TNS3: variants seen among roughly 807,000 people sequenced by gnomAD.
The protein encoded by TNS3 is tensin 3, also known as tensin-3.
Under a neutral mutation model 140.9 loss-of-function variants are expected in TNS3, and 45 were observed. The ratio of observed to expected loss-of-function variants is 0.32; its 90% CI spans 0.25 to 0.41. The LOEUF (loss-of-function observed/expected upper bound fraction) is 0.41. Among genes scored for constraint, TNS3 ranks in the 10% least tolerant of loss-of-function variants. The pLI, the probability that TNS3 is intolerant of heterozygous loss-of-function variation, is 1.00. For missense variants in TNS3, 1,716 were observed against 1,906.7 expected (o/e 0.90, Z 1.86); for synonymous variants, 815 against 788.4 (o/e 1.03, Z -0.56).
At position 47,311,399 on chromosome 7, in the gene TNS3, A is replaced by AGTGTGTGT. The variant is rs10617598; in HGVS notation, c.2651-6404_2651-6397dup. ...TGCACATGTACCCTAGAACTTAAAG[A>AGTGTGTGT]GTGTGTGTGTGTGTGTGTGTGTGTG... On this transcript the variant is annotated intron_variant, in intron 20 of 30. Coordinates refer to ENST00000311160, the MANE Select transcript of TNS3 (RefSeq NM_022748.12). Among the ~76,000 whole-genome samples, 432 of 147,432 alleles carry AGTGTGTGT rather than the reference A, an allele frequency of 2.9e-3. 1 individual carries two copies. Among genetic ancestry groups the AGTGTGTGT allele is most frequent in the East Asian group, 0.012 (58 of 4,974 alleles).
intron 3 of TNS3, among the ~76,000 whole-genome samples, chr7:47,505,423 C>T (rs543105022): frequency 6.6e-6 from 1 of 152,324 alleles, no homozygotes; most frequent in East Asian, 1.9e-4. Context: ...ATGCCCACTC[C>T]TCTGGAAAAG....
At chr7:47,366,377 G>A (rs953886337) in intron 17 of TNS3, among the ~76,000 whole-genome samples, 10 of 152,186 alleles carry the variant, frequency 6.6e-5, no homozygotes, top group African/African-American at 2.4e-4. Flanking sequence ...AGGCAAGCTG[G>A]AATGACAGCT....
intron 24 of TNS3, among the ~76,000 whole-genome samples, chr7:47,296,551 C>T (rs1786037880): frequency 1.3e-5 from 2 of 152,202 alleles, no homozygotes; most frequent in African/African-American, 4.8e-5. Context: ...AGGATTCAGG[C>T]AGGCATAGTC....
chr7:47,580,425 T>A (rs1262030610), intron 1 of TNS3, among the ~76,000 whole-genome samples: 1 of 152,340 alleles, frequency 6.6e-6, no homozygotes, highest in East Asian at 1.9e-4. Context: ...CCTGTTACTT[T>A]GTCTTCGGGG....
intron 20 of TNS3, among the ~76,000 whole-genome samples, chr7:47,315,875 A>G (rs1032950917): frequency 1.3e-5 from 2 of 152,254 alleles, no homozygotes; most frequent in African/African-American, 4.8e-5. Context: ...TCATACATCA[A>G]TTAGTAACTA....
At position 47,276,055 on chromosome 7, in the gene TNS3, AC is replaced by A; in HGVS notation, c.*2020del. 1 of 331,498 alleles carries A rather than the reference AC, an allele frequency of 3.0e-6. No homozygotes were observed. Among genetic ancestry groups the A allele is most frequent in the Non-Finnish European group, 6.0e-6 (1 of 167,942 alleles). The allele number at this position is 331,498 out of a possible 1,614,324, so 20.5% of individuals were successfully genotyped here. A position where few individuals can be genotyped will look rare whatever the true frequency, so the allele number is the denominator to read the frequency against. On this transcript the variant is annotated 3_prime_UTR_variant, in exon 31 of 31. Transcript: ENST00000311160. ...TGAGGACCTCTTGGGGAAAGTACAA[AC>A]CTCTGCTCCCTGTGGCCACATTCCT...
intron 4 of TNS3, among the ~76,000 whole-genome samples, chr7:47,471,171 T>C (rs1796937625): frequency 6.6e-6 from 1 of 152,010 alleles, no homozygotes; most frequent in Non-Finnish European, 1.5e-5. Context: ...AAAGGAAAAG[T>C]GTGGATCAAA....
intron 2 of TNS3, among the ~76,000 whole-genome samples, chr7:47,524,375 C>G (rs1799100586): frequency 6.6e-6 from 1 of 152,266 alleles, no homozygotes; most frequent in Non-Finnish European, 1.5e-5. Context: ...TGATCTCTTT[C>G]TACTGCCTCT....
intron 8 of TNS3, among the ~76,000 whole-genome samples, chr7:47,432,345 G>A (rs1040332121): frequency 1.3e-5 from 2 of 152,086 alleles, no homozygotes; most frequent in African/African-American, 2.4e-5. Flanking sequence ...CAGCCCCCTC[G>A]CCATGTGATG....
At chr7:47,546,313 CT>C (rs922707925) in intron 1 of TNS3, among the ~76,000 whole-genome samples, 2 of 152,220 alleles carry the variant, frequency 1.3e-5, no homozygotes, top group African/African-American at 4.8e-5. Context: ...CCGGCACCCC[CT>C]GGCCTCACAC....
chr7:47,377,433 G>A (rs1005968059), intron 16 of TNS3, among the ~76,000 whole-genome samples: 7 of 152,192 alleles, frequency 4.6e-5, no homozygotes, highest in South Asian at 2.1e-4. Context: ...GGGTGTGGTC[G>A]GGGCCAGGAG....
At chr7:47,329,467 T>G (rs1282006525) in intron 20 of TNS3, among the ~76,000 whole-genome samples, 1 of 151,984 alleles carries the variant, frequency 6.6e-6, no homozygotes, top group Non-Finnish European at 1.5e-5. Flanking sequence ...CATCAACCTG[T>G]GAAGAGTGGG....
At chr7:47,538,763 C>G (rs1035301020) in intron 1 of TNS3, among the ~76,000 whole-genome samples, 1 of 152,194 alleles carries the variant, frequency 6.6e-6, no homozygotes, top group African/African-American at 2.4e-5. Flanking sequence ...ACCTGGCAGA[C>G]AAGCAGGCAT....
At chr7:47,339,963 A>ATG (rs1400515604) in intron 20 of TNS3, among the ~76,000 whole-genome samples, 1 of 135,894 alleles carries the variant, frequency 7.4e-6, no homozygotes, top group Non-Finnish European at 1.5e-5. Flanking sequence ...TGGCATATAT[A>ATG]TATATATATA....
At chr7:47,287,152 A>G (rs1785464908) in intron 27 of TNS3, among the ~76,000 whole-genome samples, 1 of 152,206 alleles carries the variant, frequency 6.6e-6, no homozygotes. Context: ...TGCAACTGCA[A>G]CATTTCTGGG....
intron 16 of TNS3, among the ~76,000 whole-genome samples, chr7:47,376,332 C>T (rs1181029513): frequency 2.0e-5 from 3 of 152,200 alleles, no homozygotes; most frequent in Admixed American, 2.0e-4. Context: ...GAAGCAGCCA[C>T]CCTCAGGTGA....
intron 27 of TNS3, among the ~76,000 whole-genome samples, chr7:47,291,568 G>A (rs1785704888): frequency 6.6e-6 from 1 of 152,142 alleles, no homozygotes; most frequent in South Asian, 2.1e-4. Context: ...ATGTCTCACT[G>A]GGGTTGCTGG....
Position 47,540,757 on chromosome 7 carries a change from C to A in TNS3, c.-264-11610G>T, listed in dbSNP as rs1310642078. 3.9e-5 allele frequency among the ~76,000 whole-genome samples: 6 copies of A among 152,230 alleles called. No homozygotes were observed. The South Asian group carries it at 1.0e-3, about 26-fold the overall frequency. On this transcript the variant is annotated intron_variant, in intron 1 of 30. Coordinates refer to ENST00000311160, the MANE Select transcript of TNS3 (RefSeq NM_022748.12). ...GTGAGGAGAGGCAAGGGTGGTAAAG[C>A]GCCGTATTTTTGGTGAACTGGCCAA...
intron 23 of TNS3, among the ~76,000 whole-genome samples, chr7:47,301,752 G>A (rs1392165775): frequency 6.6e-6 from 1 of 152,046 alleles, no homozygotes; most frequent in Non-Finnish European, 1.5e-5. Flanking sequence ...TTATGTAGGT[G>A]TTCACAAACA....
Sources: gnomAD v4.1 joint callset for allele counts (sites outside exome capture counted in the v4.1 genomes callset) on GRCh38, gnomAD v4.1.1 for gene constraint, MANE v1.5 for transcripts, NCBI Gene and HGNC (gene_info 2026-07-23, HGNC 2026-07-21) for gene names.